The following RAD52 variants were observed in gnomAD, a reference collection of about 807,000 sequenced individuals.
The protein encoded by RAD52 is RAD52 DNA repair protein, also known as DNA repair protein RAD52 homolog.
RAD52 carries 47 observed loss-of-function variants against 55.5 expected under a neutral mutation model. The ratio of observed to expected loss-of-function variants is 0.85; its 90% CI spans 0.67 to 1.08. The LOEUF is 1.08. Ranked by LOEUF, RAD52 falls within the 50% of genes least tolerant of loss-of-function variation. RAD52 has a pLI of 0.00. For missense variants in RAD52, 468 were observed against 522.8 expected (o/e 0.90, Z 1.02); for synonymous variants, 184 against 198.9 (o/e 0.92, Z 0.63).
intron 5 of RAD52, among the ~76,000 whole-genome samples, chr12:927,937 C>T (rs1017838554): frequency 4.6e-5 from 7 of 152,022 alleles, no homozygotes; most frequent in Admixed American, 6.6e-5. Flanking sequence ...TCTGTAAGGA[C>T]GGGAGAGCAA....
At chr12:990,776 A>G (rs1959174796), upstream of RAD52, 1 of 151,876 alleles carries the variant, frequency 6.6e-6, no homozygotes, top group African/African-American at 2.4e-5. Context: ...GTAACGGGCC[A>G]CGAGAAGTAG....
intron 1 of RAD52, among the ~76,000 whole-genome samples, chr12:945,455 A>AG (rs990310069): frequency 6.8e-6 from 1 of 147,744 alleles, no homozygotes; most frequent in African/African-American, 2.5e-5. Flanking sequence ...TTTTTTTTTG[A>AG]GGGGGAGACA....
At chr12:941,339 A>T (rs1334179874) in intron 1 of RAD52, among the ~76,000 whole-genome samples, 3 of 152,012 alleles carry the variant, frequency 2.0e-5, no homozygotes, top group African/African-American at 7.2e-5. Flanking sequence ...TTTTTTTGAG[A>T]CAGAGTTTCA....
At chr12:970,706 T>C (rs2154121221) in intron 1 of RAD52, among the ~76,000 whole-genome samples, 1 of 152,196 alleles carries the variant, frequency 6.6e-6, no homozygotes, top group Non-Finnish European at 1.5e-5. Flanking sequence ...TTACAAATGG[T>C]TGTTCAGAAT....
At chr12:923,367 C>CA (rs2154111922) in intron 7 of RAD52, among the ~76,000 whole-genome samples, 2 of 151,034 alleles carry the variant, frequency 1.3e-5, no homozygotes, top group East Asian at 3.9e-4. Flanking sequence ...TCTGTCTCTA[C>CA]AAAAAAAATA....
At chr12:949,162 T>C (rs1958425403) in intron 1 of RAD52, among the ~76,000 whole-genome samples, 1 of 152,082 alleles carries the variant, frequency 6.6e-6, no homozygotes, top group East Asian at 1.9e-4. Context: ...CCAGGGAACA[T>C]GGGGGCATGC....
intron 1 of RAD52, among the ~76,000 whole-genome samples, chr12:961,309 C>CAAAAAAAAAAAAAAAAGAA (rs1958681056): frequency 3.0e-5 from 1 of 33,810 alleles, no homozygotes; most frequent in Non-Finnish European, 5.7e-5. Flanking sequence ...GACTCCATCT[C>CAAAAAAAAAAAAAAAAGAA]AAAAAAAAAA....
chr12:953,766 T>G (rs1958567332), upstream of RAD52, among the ~76,000 whole-genome samples: 1 of 152,204 alleles, frequency 6.6e-6, no homozygotes, highest in Non-Finnish European at 1.5e-5. Flanking sequence ...CCACAGCATT[T>G]CCCATGGTGT....
At chr12:925,046 G>C (rs2154112475) in intron 7 of RAD52, among the ~76,000 whole-genome samples, 1 of 151,146 alleles carries the variant, frequency 6.6e-6, no homozygotes, top group Non-Finnish European at 1.5e-5. Flanking sequence ...TGCCTCCCGG[G>C]TTCACGCCAT....
At chr12:943,122 T>C (rs1419068338) in intron 1 of RAD52, among the ~76,000 whole-genome samples, 1 of 152,168 alleles carries the variant, frequency 6.6e-6, no homozygotes, top group East Asian at 1.9e-4. Flanking sequence ...ATTAAGACCA[T>C]GACACACCAC....
chr12:914,643 C>T, intron 9 of RAD52, 111 bp from the exon 10 acceptor site: 1 of 1,309,390 alleles, frequency 7.6e-7, no homozygotes. Flanking sequence ...CGAAGCACAA[C>T]ACCGCTTAGG....
intron 1 of RAD52, chr12:974,948 T>C (rs2154121490): frequency 6.6e-6 from 1 of 152,334 alleles, no homozygotes; most frequent in East Asian, 1.9e-4. Flanking sequence ...CCCTGCCTTA[T>C]ATGCAGTTTC....
At chr12:925,847 T>C (rs1957004371) in intron 6 of RAD52, among the ~76,000 whole-genome samples, 1 of 152,036 alleles carries the variant, frequency 6.6e-6, no homozygotes, top group Non-Finnish European at 1.5e-5. Flanking sequence ...TTTTCTTTTT[T>C]TTCCCCCCAA....
upstream of RAD52, among the ~76,000 whole-genome samples, chr12:950,129 C>T (rs1318820115): frequency 1.3e-5 from 2 of 152,212 alleles, no homozygotes; most frequent in African/African-American, 4.8e-5. Flanking sequence ...TCCCAGATTC[C>T]GCCCGGGCCG....
chr12:982,356 T>C (rs1315662896), intron 1 of RAD52, among the ~76,000 whole-genome samples: 1 of 152,236 alleles, frequency 6.6e-6, no homozygotes, highest in Admixed American at 6.5e-5. Context: ...AAGTTTTGTT[T>C]TTGCTTAATA....
At chr12:988,405 T>C (rs1200921371) in intron 1 of RAD52, among the ~76,000 whole-genome samples, 1 of 152,174 alleles carries the variant, frequency 6.6e-6, no homozygotes, top group Non-Finnish European at 1.5e-5. Flanking sequence ...TTTTCTTAAA[T>C]ACCTAATAAC....
intron 5 of RAD52, among the ~76,000 whole-genome samples, chr12:928,207 A>C (rs759493420): frequency 2.0e-5 from 3 of 152,186 alleles, no homozygotes; most frequent in Non-Finnish European, 4.4e-5. Flanking sequence ...TTAATGCTGA[A>C]TTGTTCATTC....
chr12:983,674 C>T (rs1959049821), intron 1 of RAD52, among the ~76,000 whole-genome samples: 1 of 152,156 alleles, frequency 6.6e-6, no homozygotes, highest in African/African-American at 2.4e-5. Context: ...CCTGCCTTGG[C>T]CTCCCAAAGT....
Position 968,884 on chromosome 12 carries a change from GAATA to G in RAD52, c.-19+20921_-19+20924del, listed in dbSNP as rs369902581. 3.7e-4 allele frequency among the ~76,000 whole-genome samples: 57 copies of G among 152,036 alleles called. No individual in the cohort carries two copies. In the East Asian group the frequency reaches 6.0e-3, roughly 16 times the overall value. ...AGTAGAAATTCAATAAATATTTGTTGAATAAATAAAGAATTGGTGAGTATACACA... is the reference window on the plus strand; with the variant it reads ...AGTAGAAATTCAATAAATATTTGTTGAATAAAGAATTGGTGAGTATACACA... On this transcript the variant is annotated intron_variant, in intron 1 of 11. Transcript: ENST00000430095.
Sources: allele counts gnomAD v4.1 joint callset (sites outside exome capture counted in the v4.1 genomes callset), GRCh38; gene constraint gnomAD v4.1.1; transcripts MANE v1.5; gene names NCBI Gene and HGNC (gene_info 2026-07-23, HGNC 2026-07-21).